CCDC150: variants seen among roughly 807,000 people sequenced by gnomAD.
CCDC150 encodes coiled-coil domain-containing protein 150.
A neutral mutation model predicts 156.5 loss-of-function variants in CCDC150; 151 were observed. That is an observed-to-expected ratio of 0.97 (90% CI 0.85 to 1.10). The LOEUF is 1.10. CCDC150 is among the 50% of genes least tolerant of loss of function. CCDC150 has a pLI of 0.00. For missense variants in CCDC150, 1,312 were observed against 1,268.1 expected, an observed-to-expected ratio of 1.03 and a Z score of -0.53; for synonymous variants, 452 against 429.4, an observed-to-expected ratio of 1.05 and a Z score of -0.65.
intron 15 of CCDC150, among the ~76,000 whole-genome samples, chr2:196,709,474 T>A (rs1405816783): frequency 6.6e-6 from 1 of 152,176 alleles, no homozygotes; most frequent in Non-Finnish European, 1.5e-5. Flanking sequence ...CGGAGAAATT[T>A]GTTATTACCG....
intron 13 of CCDC150, among the ~76,000 whole-genome samples, chr2:196,690,563 A>G (rs187131776): frequency 3.3e-5 from 5 of 152,166 alleles, no homozygotes; most frequent in South Asian, 4.1e-4. Flanking sequence ...ATAAGCTGAT[A>G]AGAGTTCTGT....
intron 17 of CCDC150, among the ~76,000 whole-genome samples, chr2:196,714,327 A>G (rs1008635276): frequency 6.6e-6 from 1 of 152,132 alleles, no homozygotes; most frequent in Non-Finnish European, 1.5e-5. Flanking sequence ...TCTTATCTGG[A>G]TGAAGGATTT....
At chr2:196,653,141 T>C (rs1692980955) in intron 2 of CCDC150, among the ~76,000 whole-genome samples, 1 of 152,238 alleles carries the variant, frequency 6.6e-6, no homozygotes, top group Non-Finnish European at 1.5e-5. Context: ...GCTATTAGCA[T>C]TTGGCTTCCT....
intron 19 of CCDC150, 88 bp downstream of exon 19, chr2:196,719,754 A>G: frequency 1.1e-6 from 1 of 899,260 alleles, no homozygotes; most frequent in Non-Finnish European, 1.5e-6. Context: ...CACTTTATGT[A>G]GCTTCCTTTA....
At chr2:196,647,225 A>G (rs146735454) in intron 2 of CCDC150, among the ~76,000 whole-genome samples, 2 of 152,254 alleles carry the variant, frequency 1.3e-5, no homozygotes, top group East Asian at 3.9e-4. Flanking sequence ...CACAATAGGA[A>G]TATTTATTAT....
intron 17 of CCDC150, chr2:196,713,345 T>G: frequency 1.4e-6 from 2 of 1,448,404 alleles, no homozygotes; most frequent in South Asian, 3.2e-5. Flanking sequence ...TTGTTTTTAT[T>G]AATAATTGAC....
Position 196,708,928 on chromosome 2 carries a change from C to T in CCDC150, c.1696-3217C>T, listed in dbSNP as rs148328375. ...TAACCCGACCTTTCTCTCTGGCTGC[C>T]GTTAACATTTTTTCCTTCATTTCAA... On this transcript the variant is annotated intron_variant, in intron 15 of 27. Transcript: ENST00000389175. 2.9e-3 allele frequency among the ~76,000 whole-genome samples: 441 copies of T among 152,258 alleles called. 1 individual carries two copies. Among genetic ancestry groups the T allele is most frequent in the East Asian group, 0.019 (101 of 5,194 alleles).
intron 2 of CCDC150, among the ~76,000 whole-genome samples, chr2:196,649,561 G>A (rs1575749788): frequency 1.3e-5 from 2 of 152,152 alleles, no homozygotes; most frequent in South Asian, 4.1e-4. Context: ...ATCTATGTTT[G>A]TGTAAATATA....
chr2:196,712,837 G>C (rs2125692560), intron 17 of CCDC150, 98 bp downstream of exon 17: 1 of 922,418 alleles, frequency 1.1e-6, no homozygotes, highest in Non-Finnish European at 1.7e-6. Context: ...AATAGAAAAA[G>C]TTAAGCAAGA....
At chr2:196,658,973 A>G in intron 5 of CCDC150, 113 bp downstream of exon 5, 1 of 709,858 alleles carries the variant, frequency 1.4e-6, no homozygotes, top group South Asian at 2.0e-5. Flanking sequence ...ACTATGTAGT[A>G]GGAAGACTTT....
intron 22 of CCDC150, chr2:196,726,643 G>A (rs1698224190): frequency 6.5e-6 from 1 of 154,666 alleles, no homozygotes; most frequent in Non-Finnish European, 1.4e-5. Context: ...GATAGAAGAA[G>A]AGAGGCTTAA....
intron 22 of CCDC150, among the ~76,000 whole-genome samples, chr2:196,728,542 A>G (rs536915268): frequency 2.6e-5 from 4 of 152,310 alleles, no homozygotes; most frequent in African/African-American, 9.6e-5. Flanking sequence ...AAAATTATTT[A>G]AGTAACTACT....
chr2:196,656,879 TGTG>T, intron 3 of CCDC150, 26 bp downstream of exon 3: 2 of 1,612,272 alleles, frequency 1.2e-6, no homozygotes, highest in Non-Finnish European at 1.7e-6. Context: ...TCATCAGAAA[TGTG>T]GTCCTGTATA....
At position 196,645,896 on chromosome 2, in the gene CCDC150, A is replaced by G. The variant is rs117431956; in HGVS notation, c.13-445A>G. Among the ~76,000 whole-genome samples, 803 of 152,328 alleles carry G rather than the reference A, an allele frequency of 5.3e-3. 17 individuals carry two copies. Among genetic ancestry groups the G allele is most frequent in the South Asian group, 0.026 (127 of 4,818 alleles). On this transcript the variant is annotated intron_variant, in intron 1 of 27. Transcript: ENST00000389175. ...AATGTTATGATGAAAATGGCTAGTA[A>G]TAAAAGCCATTCCCTCAGCAAGTCA...
At chr2:196,721,490 A>G (rs1246421371) in intron 20 of CCDC150, 32 bp from the exon 21 acceptor site, 2 of 1,558,994 alleles carry the variant, frequency 1.3e-6, no homozygotes, top group Non-Finnish European at 1.7e-6. Flanking sequence ...TGTCCATTAC[A>G]GTGGAATTGA....
chr2:196,717,428 G>A (rs1341799042), intron 17 of CCDC150, among the ~76,000 whole-genome samples: 3 of 152,092 alleles, frequency 2.0e-5, no homozygotes, highest in African/African-American at 4.8e-5. Flanking sequence ...ATGGAACTGT[G>A]TGCATGCACA....
intron 13 of CCDC150, among the ~76,000 whole-genome samples, chr2:196,681,346 TACAC>T (rs1031243768): frequency 1.3e-5 from 2 of 152,150 alleles, no homozygotes; most frequent in African/African-American, 4.8e-5. Flanking sequence ...CACACACACA[TACAC>T]ACACACCAAA....
Position 196,719,591 on chromosome 2 carries a change from T to C in CCDC150, c.2090T>C (p.Met697Thr). Residue 697 changes from methionine to threonine, a missense_variant, in exon 19 of 28, where the codon ATG becomes ACG. Coordinates refer to ENST00000389175, the MANE Select transcript of CCDC150 (RefSeq NM_001080539.2). ...LENVLASHSK[M>T]QGALEKVQIE... ...AATGTGCTGGCTTCTCACAGTAAGATGCAAGGTGCTCTGGAGAAAGTACAA... is the reference window on the plus strand; with the variant it reads ...AATGTGCTGGCTTCTCACAGTAAGACGCAAGGTGCTCTGGAGAAAGTACAA... 6.2e-7 allele frequency: 1 copy of C among 1,613,582 alleles called. No homozygotes were observed. Among genetic ancestry groups the C allele is most frequent in the African/African-American group, 1.3e-5 (1 of 75,028 alleles).
chr2:196,672,921 G>A (rs888282447), intron 9 of CCDC150, among the ~76,000 whole-genome samples: 6 of 152,120 alleles, frequency 3.9e-5, no homozygotes, highest in Non-Finnish European at 1.5e-5. Flanking sequence ...ATGTGCATCT[G>A]CAACAAAAAG....
Sources: allele counts gnomAD v4.1 joint callset (sites outside exome capture counted in the v4.1 genomes callset), GRCh38; gene constraint gnomAD v4.1.1; transcripts MANE v1.5; gene names NCBI Gene and HGNC (gene_info 2026-07-23, HGNC 2026-07-21).